The following TSHZ3 variants were observed in gnomAD, a reference collection of about 807,000 sequenced individuals.
The protein encoded by TSHZ3 is teashirt homolog 3.
A neutral mutation model predicts 64.5 loss-of-function variants in TSHZ3; 10 were observed. The observed-to-expected ratio is 0.16, with a 90% confidence interval of 0.10 to 0.26. The LOEUF (loss-of-function observed/expected upper bound fraction) is 0.26, where lower values mean the gene tolerates loss of function less well. Ranked by LOEUF, TSHZ3 falls within the 10% of genes least tolerant of loss-of-function variation. The probability of loss-of-function intolerance (pLI) is 1.00; values close to 1 mark genes in which losing one functional copy is unlikely to be tolerated. For missense variants in TSHZ3, 1,242 were observed against 1,421.7 expected (o/e 0.87, Z 2.03); for synonymous variants, 608 against 593.1 (o/e 1.03, Z -0.36).
chr19:31,215,822 G>A (rs1020362292), intron 4 of TSHZ3, among the ~76,000 whole-genome samples: 2 of 152,110 alleles, frequency 1.3e-5, no homozygotes, highest in African/African-American at 4.8e-5. Flanking sequence ...AGTGAGCCGA[G>A]ATCGTGCCCC....
At position 31,278,887 on chromosome 19, in the gene TSHZ3, T is replaced by C. The variant is rs1976306381; in HGVS notation, c.906A>G (p.Lys302=). ...GAGTGACGGGTTCCTTCAGAGGCAC[T>C]TTTTGGTAGTGTTTTGTTTTGATCA... ...VHMIKTKHYQ[K]VPLKEPVTPV... is the part of the protein sequence containing the mutation. Residue 302 remains lysine (K), a synonymous_variant, in exon 2 of 2, where the codon AAA becomes AAG. Transcript: ENST00000240587. The surrounding 1 kb of genome is among the most constrained non-coding windows in gnomAD (Gnocchi z 4.7). The C allele has an allele frequency of 6.2e-7, 1 of 1,614,044 alleles. No homozygotes were observed. Among genetic ancestry groups the C allele is most frequent in the Non-Finnish European group, 8.5e-7 (1 of 1,179,996 alleles).
intron 1 of TSHZ3, among the ~76,000 whole-genome samples, chr19:31,302,921 C>T (rs886771302): frequency 1.3e-5 from 2 of 151,246 alleles, no homozygotes; most frequent in Non-Finnish European, 2.9e-5. Flanking sequence ...CACAGGTAAA[C>T]AACGTGGCTT....
chr19:31,324,560 G>A (rs1916878402), intron 1 of TSHZ3, among the ~76,000 whole-genome samples: 1 of 152,246 alleles, frequency 6.6e-6, no homozygotes, highest in Non-Finnish European at 1.5e-5. Flanking sequence ...AAGCCTGAAT[G>A]GGAAGTGACT....
intron 1 of TSHZ3, among the ~76,000 whole-genome samples, chr19:31,336,307 C>A (rs527961011): frequency 6.6e-6 from 1 of 152,284 alleles, no homozygotes; most frequent in African/African-American, 2.4e-5. Flanking sequence ...CTGAAAGGGG[C>A]ACCCAGAATG....
intron 3 of TSHZ3, among the ~76,000 whole-genome samples, chr19:31,233,187 C>T (rs1192264303): frequency 1.3e-5 from 2 of 152,212 alleles, no homozygotes; most frequent in Admixed American, 1.3e-4. Flanking sequence ...TCCCTCCCCT[C>T]CCCAGTAATA....
intron 1 of TSHZ3, among the ~76,000 whole-genome samples, chr19:31,295,927 C>G (rs1470069521): frequency 6.9e-6 from 1 of 145,386 alleles, no homozygotes; most frequent in Admixed American, 7.1e-5. Context: ...CCTTGCCCCT[C>G]GCTTTCCCCC....
chr19:31,269,745 C>G (rs933494488), intron 1 of TSHZ3, among the ~76,000 whole-genome samples: 4 of 152,098 alleles, frequency 2.6e-5, no homozygotes, highest in Admixed American at 2.6e-4. Context: ...AAACTTAACC[C>G]CCCCAAATTT....
At position 31,277,092 on chromosome 19, in the gene TSHZ3, G is replaced by C. The variant is rs764726156; in HGVS notation, c.2701C>G (p.Gln901Glu). The C allele has an allele frequency of 6.9e-6, 11 of 1,605,000 alleles. No individual in the cohort carries two copies. The South Asian group carries it at 1.2e-4, about 18-fold the overall frequency. ...TGGGCCTGGAGGATCAGGAGGTGCT[G>C]GGGGTTCCAGTTTGACTGGCGGCCC... ...RKGRQSNWNP[Q>E]HLLILQAQFA... Residue 901 changes from glutamine to glutamate, a missense_variant, in exon 2 of 2, where the codon CAG (glutamine) becomes GAG (glutamate). By Grantham distance (29) the Gln-to-Glu change is conservative (BLOSUM62 2). This residue lies in a region of TSHZ3 where 550 missense variants were observed against 545.1 expected (regional missense o/e 1.01). Coordinates refer to ENST00000240587, the MANE Select transcript of TSHZ3 (RefSeq NM_020856.4). This position sits in a 1 kb window ranked among gnomAD's most constrained non-coding sequence, Gnocchi z 4.5.
intron 4 of TSHZ3, among the ~76,000 whole-genome samples, chr19:31,214,220 T>C (rs1215073577): frequency 6.6e-6 from 1 of 152,186 alleles, no homozygotes; most frequent in South Asian, 2.1e-4. Flanking sequence ...TCATTTAAAA[T>C]ATGTCTTCCT....
intron 1 of TSHZ3, among the ~76,000 whole-genome samples, chr19:31,297,959 G>C (rs1599633470): frequency 6.6e-6 from 1 of 152,184 alleles, no homozygotes; most frequent in African/African-American, 2.4e-5. Context: ...TCTGCAGAGA[G>C]ACCTGCTACT....
chr19:31,156,082 C>T (rs1003291310), intron 6 of TSHZ3, among the ~76,000 whole-genome samples: 4 of 152,302 alleles, frequency 2.6e-5, no homozygotes, highest in South Asian at 2.1e-4. Context: ...AACCTGAGTT[C>T]CTGGGACATA....
At chr19:31,308,543 A>T (rs2145151131) in intron 1 of TSHZ3, 1 of 396,428 alleles carries the variant, frequency 2.5e-6, no homozygotes, top group East Asian at 3.6e-5. Context: ...TTTCTAGGAG[A>T]CTGGCTCTCG....
At chr19:31,262,251 C>T (rs1021921853) in intron 1 of TSHZ3, among the ~76,000 whole-genome samples, 2 of 152,220 alleles carry the variant, frequency 1.3e-5, no homozygotes, top group African/African-American at 2.4e-5. Context: ...AATCTACCTC[C>T]GCGGTACAGT....
At position 31,349,229 on chromosome 19, in the gene TSHZ3, C is replaced by G. The variant is rs1187455746; in HGVS notation, c.-10G>C. 3 of 1,536,008 alleles carry G rather than the reference C, an allele frequency of 2.0e-6. No homozygotes were observed. The highest frequency in any genetic ancestry group is 4.0e-5 in the Admixed American group (2 of 50,252). ...GCTTCCTCCTCGGCATGATGCTTCT[C>G]CGGCGACTGCCACTGCCGCCGCCGC... On this transcript the variant is annotated 5_prime_UTR_variant, in exon 1 of 2. Transcript: ENST00000240587.
intron 1 of TSHZ3, among the ~76,000 whole-genome samples, chr19:31,336,571 G>C (rs566074664): frequency 2.6e-5 from 4 of 152,152 alleles, no homozygotes; most frequent in African/African-American, 9.7e-5. Context: ...TAAAAAATCC[G>C]GTTATCTAAG....
intron 1 of TSHZ3, among the ~76,000 whole-genome samples, chr19:31,347,729 C>A (rs758470264): frequency 5.3e-5 from 8 of 152,240 alleles, no homozygotes; most frequent in Middle Eastern, 3.4e-3. Context: ...ATCCTAAGCC[C>A]CAAACCAACC....
intron 3 of TSHZ3, among the ~76,000 whole-genome samples, chr19:31,233,327 G>T (rs1189080158): frequency 2.6e-5 from 4 of 152,114 alleles, no homozygotes; most frequent in African/African-American, 7.2e-5. Context: ...ATTTTAATCT[G>T]CATTTTCCCA....
At chr19:31,255,982 G>C (rs1464911080) in intron 1 of TSHZ3, among the ~76,000 whole-genome samples, 1 of 152,142 alleles carries the variant, frequency 6.6e-6, no homozygotes, top group Non-Finnish European at 1.5e-5. Context: ...CCAGTCACTG[G>C]AAGCGGAGGG....
intron 5 of TSHZ3, among the ~76,000 whole-genome samples, chr19:31,177,277 G>T (rs1974624267): frequency 6.6e-6 from 1 of 152,176 alleles, no homozygotes; most frequent in Non-Finnish European, 1.5e-5. Flanking sequence ...ACTTGGATTT[G>T]GGAGGAGTGA....
Sources: allele counts gnomAD v4.1 joint callset (sites outside exome capture counted in the v4.1 genomes callset), GRCh38; gene constraint gnomAD v4.1.1; regional missense constraint gnomAD v4.1.1; non-coding constraint Gnocchi (gnomAD v3.1); transcripts MANE v1.5; gene names NCBI Gene and HGNC (gene_info 2026-07-23, HGNC 2026-07-21).